STK17B: variants seen among roughly 807,000 people sequenced by gnomAD.
The protein encoded by STK17B is serine/threonine-protein kinase 17B.
In STK17B, 21 loss-of-function variants were observed where a neutral mutation model predicts 42.0. The observed-to-expected ratio is 0.50, with a 90% CI of 0.35 to 0.72. The LOEUF (loss-of-function observed/expected upper bound fraction) is 0.72. Ranked by LOEUF, STK17B falls within the 30% of genes least tolerant of loss-of-function variation. The probability of loss-of-function intolerance (pLI) is 0.00; values close to 1 mark genes in which losing one functional copy is unlikely to be tolerated. For synonymous variants in STK17B, 143 were observed against 148.4 expected (o/e 0.96, Z 0.26); for missense variants, 349 against 446.0 (o/e 0.78, Z 1.96).
intron 2 of STK17B, among the ~76,000 whole-genome samples, chr2:196,160,664 T>G (rs1699800270): frequency 6.6e-6 from 1 of 152,176 alleles, no homozygotes; most frequent in African/African-American, 2.4e-5. Context: ...GATTTCTAAT[T>G]TATCAAGATC....
chr2:196,142,849 TGGG>T (rs2105680407), intron 5 of STK17B, among the ~76,000 whole-genome samples: 1 of 152,318 alleles, frequency 6.6e-6, no homozygotes, highest in East Asian at 1.9e-4. Flanking sequence ...AATGTCCACA[TGGG>T]GACATCAGTA....
chr2:196,140,457 A>G (rs1699476947), intron 6 of STK17B, among the ~76,000 whole-genome samples: 1 of 143,638 alleles, frequency 7.0e-6, no homozygotes, highest in African/African-American at 2.5e-5. Context: ...TCTATTCCCT[A>G]TGGTATTCTC....
chr2:196,160,507 T>G (rs1028881305), intron 2 of STK17B, among the ~76,000 whole-genome samples: 19 of 152,210 alleles, frequency 1.2e-4, no homozygotes, highest in Admixed American at 6.5e-5. Context: ...AATAAAAAAG[T>G]TGATTCAGAA....
intron 7 of STK17B, 26 bp downstream of exon 7, chr2:196,139,594 T>A (rs1699462972): frequency 7.6e-7 from 1 of 1,311,288 alleles, no homozygotes; most frequent in African/African-American, 1.5e-5. Flanking sequence ...AAATTTGTAA[T>A]AGTATTTAAA....
chr2:196,159,017 A>AC (rs1553624807), intron 2 of STK17B, among the ~76,000 whole-genome samples: 1 of 151,624 alleles, frequency 6.6e-6, no homozygotes, highest in African/African-American at 2.4e-5. Flanking sequence ...TCTCAAAAAA[A>AC]AAAAAAACAA....
At chr2:196,159,382 C>T (rs1412575880) in intron 2 of STK17B, among the ~76,000 whole-genome samples, 2 of 150,046 alleles carry the variant, frequency 1.3e-5, no homozygotes, top group Admixed American at 6.7e-5. Flanking sequence ...AGGATCTCAG[C>T]TCACCGCAGC....
In STK17B at chr2:196,145,814, C is replaced by T. The variant is rs1699564807; in HGVS notation, c.480+97G>A. ...CAGTGCAGTCTAGAAGACCAGGAAC[C>T]AACCATTGTTTCCTGTTAATACCAG... On this transcript the variant is annotated intron_variant, in intron 4 of 7. Coordinates refer to ENST00000263955, the MANE Select transcript of STK17B (RefSeq NM_004226.4). 4.7e-6 allele frequency: 6 copies of T among 1,279,404 alleles called. No individual in the cohort carries two copies. In the South Asian group the frequency reaches 5.1e-5, roughly 11 times the overall value. The allele number at this position is 1,279,404 out of a possible 1,614,324, so 79.3% of individuals were successfully genotyped here.
At chr2:196,145,329 T>C (rs1486891147) in intron 4 of STK17B, among the ~76,000 whole-genome samples, 1 of 151,910 alleles carries the variant, frequency 6.6e-6, no homozygotes, top group Non-Finnish European at 1.5e-5. Context: ...GCTCAAAAAA[T>C]GAGACACAGA....
At chr2:196,150,978 T>C (rs1413225956) in intron 3 of STK17B, among the ~76,000 whole-genome samples, 1 of 152,188 alleles carries the variant, frequency 6.6e-6, no homozygotes, top group Non-Finnish European at 1.5e-5. Flanking sequence ...ATGGTTGAAA[T>C]TGTTAAGATC....
intron 4 of STK17B, among the ~76,000 whole-genome samples, chr2:196,145,372 T>C (rs985649203): frequency 6.6e-6 from 1 of 151,922 alleles, no homozygotes; most frequent in Admixed American, 6.6e-5. Flanking sequence ...TGTGTGGTTA[T>C]GAAAGAAGGA....
intron 1 of STK17B, among the ~76,000 whole-genome samples, chr2:196,170,674 G>C (rs1699928255): frequency 6.6e-6 from 1 of 152,234 alleles, no homozygotes; most frequent in Admixed American, 6.5e-5. Flanking sequence ...GGTATAGTTT[G>C]AGGATGAGTC....
chr2:196,154,551 A>G (rs1182771454), intron 3 of STK17B: 2 of 152,276 alleles, frequency 1.3e-5, no homozygotes, highest in Non-Finnish European at 2.9e-5. Context: ...AGTGAAGAGT[A>G]TAAGGATGTT....
chr2:196,144,188 A>T (rs879723291), intron 4 of STK17B, among the ~76,000 whole-genome samples: 4 of 67,286 alleles, frequency 5.9e-5, no homozygotes, highest in Non-Finnish European at 1.5e-4. Flanking sequence ...AAAAAAAATT[A>T]AAAAATTAAA....
rs1011510680 is a variant in STK17B at position 196,135,686 on chromosome 2, G to A, written c.*1761C>T. On this transcript the variant is annotated 3_prime_UTR_variant, in exon 8 of 8. Transcript: ENST00000263955. ...CCAACTACTCAGGAGGCTGAGACAG[G>A]AGAATTGCTTGAACCCGGGAGGCAG... The A allele has an allele frequency of 4.8e-5, 7 of 145,982 alleles. No individual in the cohort carries two copies. The highest frequency in any genetic ancestry group is 1.0e-4 in the Non-Finnish European group (7 of 67,504). The allele number at this position is 145,982 out of a possible 1,614,324, so 9.0% of individuals were successfully genotyped here. A position where few individuals can be genotyped will look rare whatever the true frequency, so the allele number is the denominator to read the frequency against.
At chr2:196,174,042 A>G (rs552836455), upstream of STK17B, among the ~76,000 whole-genome samples, 1 of 152,316 alleles carries the variant, frequency 6.6e-6, no homozygotes, top group African/African-American at 2.4e-5. Context: ...TTTGCAAAGC[A>G]AGCAGAGAGG....
rs1699395748 is a variant in STK17B, at chr2:196,135,890, TATAC to T, written c.*1553_*1556del. On this transcript the variant is annotated 3_prime_UTR_variant, in exon 8 of 8. Transcript: ENST00000263955. The stretch of plus-strand genomic sequence containing the variant: ...AATGTATTGTATCTATCTATAGATA[TATAC>T]ATACACCTGTACATACACACATGTG... 6.7e-6 allele frequency: 1 copy of T among 149,712 alleles called. No individual in the cohort carries two copies. Among genetic ancestry groups the T allele is most frequent in the Non-Finnish European group, 1.5e-5 (1 of 67,456 alleles). The allele number at this position is 149,712 out of a possible 1,614,324, so 9.3% of individuals were successfully genotyped here. A position where few individuals can be genotyped will look rare whatever the true frequency, so the allele number is the denominator to read the frequency against.
In STK17B at chr2:196,146,557, T is replaced by C. The variant is rs538940658; in HGVS notation, c.336-502A>G. On this transcript the variant is annotated intron_variant, in intron 3 of 7. Coordinates refer to ENST00000263955, the MANE Select transcript of STK17B (RefSeq NM_004226.4). The stretch of plus-strand genomic sequence containing the variant: ...TGAGACTATTTCAAATTCTGGGTAC[T>C]AATACTTGAATATTAATAAATAAAA... Among the ~76,000 whole-genome samples the C allele has an allele frequency of 1.5e-3, 227 of 152,246 alleles. 1 individual carries two copies. Among genetic ancestry groups the C allele is most frequent in the Non-Finnish European group, 2.6e-3 (175 of 68,002 alleles).
rs1457347885 is a variant in STK17B at position 196,133,904 on chromosome 2, GATA to G, written c.*3540_*3542del. 1.3e-5 allele frequency: 2 copies of G among 152,048 alleles called. No homozygotes were observed. Among genetic ancestry groups the G allele is most frequent in the East Asian group, 1.9e-4 (1 of 5,206 alleles). 9.4% of individuals were successfully genotyped at this position (152,048 alleles called of 1,614,324 possible). ...AAATACTTTTATAAAATTATAAATT[GATA>G]ATAATCCCCCCAAACTGAAGTGAAA... is the stretch of plus-strand genomic sequence containing the variant. On this transcript the variant is annotated 3_prime_UTR_variant, in exon 8 of 8. Coordinates refer to ENST00000263955, the MANE Select transcript of STK17B (RefSeq NM_004226.4).
chr2:196,141,371 T>C (rs1699491535), intron 5 of STK17B, 74 bp from the exon 6 acceptor site: 2 of 1,233,198 alleles, frequency 1.6e-6, no homozygotes, highest in East Asian at 5.1e-5. Flanking sequence ...TATTACGTTA[T>C]AACTGGGACT....
Sources: gnomAD v4.1 joint callset for allele counts (sites outside exome capture counted in the v4.1 genomes callset) on GRCh38, gnomAD v4.1.1 for gene constraint, MANE v1.5 for transcripts, NCBI Gene and HGNC (gene_info 2026-07-23, HGNC 2026-07-21) for gene names.